The following STARD13 variants were observed in gnomAD, a reference collection of about 807,000 sequenced individuals.
STARD13 encodes StAR related lipid transfer domain containing 13, also known as stAR-related lipid transfer protein 13.
A neutral mutation model predicts 106.4 loss-of-function variants in STARD13; 62 were observed. The observed-to-expected ratio is 0.58, with a 90% CI of 0.48 to 0.72. The LOEUF is 0.72. Among genes scored for constraint, STARD13 ranks in the 30% least tolerant of loss-of-function variants. STARD13 has a pLI of 0.00. For missense variants in STARD13, 1,387 were observed against 1,424.0 expected (o/e 0.97, Z 0.42); for synonymous variants, 565 against 553.0 (o/e 1.02, Z -0.31).
At chr13:33,604,094 C>T in the STARD13 span, among the ~76,000 whole-genome samples, 5 of 151,958 alleles carry the variant, frequency 3.3e-5, no homozygotes, top group African/African-American at 1.2e-4. Context: ...ATTAAATTGA[C>T]AGATTAAATA....
At chr13:33,228,823 A>G (rs1258016428) in intron 1 of STARD13, among the ~76,000 whole-genome samples, 2 of 152,206 alleles carry the variant, frequency 1.3e-5, no homozygotes, top group Non-Finnish European at 2.9e-5. Flanking sequence ...AACAAATAAG[A>G]AATATTGATT....
At chr13:33,106,561 G>T (rs543158625) in intron 13 of STARD13, among the ~76,000 whole-genome samples, 197 bp downstream of exon 13, 2 of 152,296 alleles carry the variant, frequency 1.3e-5, no homozygotes, top group Non-Finnish European at 2.9e-5. Context: ...ACAAACAGTT[G>T]CAGGAGAAAT....
At chr13:33,582,202 A>G in the STARD13 span, among the ~76,000 whole-genome samples, 1 of 151,304 alleles carries the variant, frequency 6.6e-6, no homozygotes, top group Non-Finnish European at 1.5e-5. Context: ...AGCCTGGGCA[A>G]CAGAGTGAGA....
intron 1 of STARD13, among the ~76,000 whole-genome samples, chr13:33,265,878 G>A (rs1023365399): frequency 6.6e-6 from 1 of 151,964 alleles, no homozygotes; most frequent in Admixed American, 6.6e-5. Flanking sequence ...AAATTAATGG[G>A]TTCTTATCAT....
intron 3 of STARD13, among the ~76,000 whole-genome samples, chr13:33,146,604 C>T (rs1306180538): frequency 6.6e-6 from 1 of 151,982 alleles, no homozygotes; most frequent in Admixed American, 6.6e-5. Flanking sequence ...TTAAATAAAG[C>T]TGAATAAAAA....
intron 3 of STARD13, among the ~76,000 whole-genome samples, chr13:33,162,719 C>A (rs1023443359): frequency 1.3e-5 from 2 of 151,890 alleles, no homozygotes; most frequent in African/African-American, 4.8e-5. Flanking sequence ...TCTGAGACAA[C>A]CTCAACCTGG....
At chr13:33,148,988 T>C (rs1880912689) in intron 3 of STARD13, among the ~76,000 whole-genome samples, 1 of 152,138 alleles carries the variant, frequency 6.6e-6, no homozygotes, top group African/African-American at 2.4e-5. Flanking sequence ...GATCCAACTA[T>C]ATAGCATTCT....
intron 1 of STARD13, among the ~76,000 whole-genome samples, chr13:33,307,851 T>G (rs997963330): frequency 6.6e-6 from 1 of 152,164 alleles, no homozygotes; most frequent in Non-Finnish European, 1.5e-5. Context: ...TAAATGAGAA[T>G]AGTCTTGGTC....
the STARD13 span, among the ~76,000 whole-genome samples, chr13:33,637,091 A>G: frequency 6.6e-6 from 1 of 152,218 alleles, no homozygotes; most frequent in East Asian, 1.9e-4. Flanking sequence ...TGTGCCAGAC[A>G]CTATAATTTC....
the STARD13 span, among the ~76,000 whole-genome samples, chr13:33,478,322 T>C: frequency 6.6e-6 from 1 of 152,196 alleles, no homozygotes; most frequent in East Asian, 1.9e-4. Context: ...ATATTGTTTT[T>C]CCTGATACCT....
intron 1 of STARD13, among the ~76,000 whole-genome samples, chr13:33,319,173 C>CA (rs1893457146): frequency 6.6e-6 from 1 of 152,090 alleles, no homozygotes; most frequent in African/African-American, 2.4e-5. Context: ...AACAGATAAA[C>CA]AAAATGTAGA....
At chr13:33,339,592 A>G (rs968228589) in intron 1 of STARD13, among the ~76,000 whole-genome samples, 13 of 152,188 alleles carry the variant, frequency 8.5e-5, no homozygotes, top group African/African-American at 3.1e-4. Flanking sequence ...TACACTTTTC[A>G]TTTGTCATTG....
rs569426502 is a variant in STARD13, at chr13:33,252,147, G to T, written c.169+33323C>A. Among the ~76,000 whole-genome samples the T allele has an allele frequency of 6.6e-5, 10 of 152,268 alleles. No individual in the cohort carries two copies. In the East Asian group the frequency reaches 1.7e-3, roughly 26 times the overall value. On this transcript the variant is annotated intron_variant, in intron 1 of 13. Transcript: ENST00000336934. ...TCATCTTCTAATTCAATTTATTCTG[G>T]TTATGTATATGATGTATCCAAAATT...
chr13:33,278,691 A>G (rs1211434274), intron 1 of STARD13: 2 of 152,224 alleles, frequency 1.3e-5, no homozygotes, highest in African/African-American at 4.8e-5. Context: ...CCTTAAGAAC[A>G]GGGAAAATCT....
intron 1 of STARD13, among the ~76,000 whole-genome samples, chr13:33,205,172 G>A (rs1392514241): frequency 6.6e-6 from 1 of 152,166 alleles, no homozygotes; most frequent in Non-Finnish European, 1.5e-5. Flanking sequence ...CTTTGAAAAC[G>A]AAGCCGTTGA....
At chr13:33,380,287 C>T in the STARD13 span, among the ~76,000 whole-genome samples, 4 of 151,726 alleles carry the variant, frequency 2.6e-5, no homozygotes, top group African/African-American at 7.3e-5. Flanking sequence ...TGGTGGCGGG[C>T]GCCTGTAGTC....
the STARD13 span, among the ~76,000 whole-genome samples, chr13:33,604,950 T>G: frequency 3.3e-5 from 5 of 152,136 alleles, no homozygotes; most frequent in Middle Eastern, 3.4e-3. Context: ...CCCAAAGACA[T>G]ACCAAATTTG....
the STARD13 span, among the ~76,000 whole-genome samples, chr13:33,645,573 G>A: frequency 2.0e-5 from 3 of 152,198 alleles, no homozygotes; most frequent in African/African-American, 7.2e-5. Flanking sequence ...AGGAAGGAGG[G>A]CAGCACATTC....
the STARD13 span, among the ~76,000 whole-genome samples, chr13:33,655,673 T>C: frequency 6.6e-6 from 1 of 152,368 alleles, no homozygotes; most frequent in South Asian, 2.1e-4. Context: ...CTGTGTCTTT[T>C]CCATCTTTGA....
Sources: gnomAD v4.1 joint callset for allele counts (sites outside exome capture counted in the v4.1 genomes callset) on GRCh38, gnomAD v4.1.1 for gene constraint, MANE v1.5 for transcripts, NCBI Gene and HGNC (gene_info 2026-07-23, HGNC 2026-07-21) for gene names.